PDE4DIP: variants seen among roughly 807,000 people sequenced by gnomAD.
The protein encoded by PDE4DIP is phosphodiesterase 4D interacting protein.
A neutral mutation model predicts 221.4 loss-of-function variants in PDE4DIP; 59 were observed. That is an observed-to-expected ratio of 0.27 (90% CI 0.22 to 0.33). The LOEUF is 0.33. PDE4DIP is among the 10% of genes least tolerant of loss of function. The probability of loss-of-function intolerance (pLI) is 1.00; values close to 1 mark genes in which losing one functional copy is unlikely to be tolerated. For missense variants in PDE4DIP, 1,036 were observed against 2,154.2 expected (o/e 0.48, Z 10.28); for synonymous variants, 404 against 815.9 (o/e 0.50, Z 8.60).
chr1:148,969,084 C>A lies in PDE4DIP; in HGVS notation c.1980+54C>A. 9 of 1,387,576 alleles carry A rather than the reference C, an allele frequency of 6.5e-6. No homozygotes were observed. The South Asian group carries it at 9.7e-5, about 15-fold the overall frequency. The allele number at this position is 1,387,576 out of a possible 1,614,324, so 86.0% of individuals were successfully genotyped here. A position where few individuals can be genotyped will look rare whatever the true frequency, so the allele number is the denominator to read the frequency against. ...TGTCATGTAGTGCATTTATAGTCTG[C>A]AAATAGGAAGCATTTGCAGACTATA... On this transcript the variant is annotated intron_variant, in intron 14 of 43. Coordinates refer to ENST00000369354, the Ensembl canonical transcript of PDE4DIP.
At position 148,962,633 on chromosome 1, in the gene PDE4DIP, ATAACCAGGTAAATCAT is replaced by A. The variant is rs782030633; in HGVS notation, c.1192_1194+13del. The A allele has an allele frequency of 1.7e-6, 1 of 575,920 alleles. No homozygotes were observed. The highest frequency in any genetic ancestry group is 2.0e-5 in the South Asian group (1 of 49,170). 35.7% of individuals were successfully genotyped at this position (575,920 alleles called of 1,614,324 possible). A position where few individuals can be genotyped will look rare whatever the true frequency, so the allele number is the denominator to read the frequency against. On this transcript the variant is annotated splice_donor_variant and splice_donor_5th_base_variant and coding_sequence_variant and intron_variant, in exon 9 of 44. Coordinates refer to ENST00000369354, the Ensembl canonical transcript of PDE4DIP. LOFTEE classifies it high-confidence loss of function. ...CAGCAGAAAGAGGCTTCTTGGAAACATAACCAGGTAAATCATTAACTATTTTATTGCCCTAAATGCT... is the reference window on the plus strand; with the variant it reads ...CAGCAGAAAGAGGCTTCTTGGAAACATAACTATTTTATTGCCCTAAATGCT...
At chr1:149,008,542 AG>A (rs781996122) in intron 29 of PDE4DIP, 47 bp downstream of exon 32, 1 of 224,966 alleles carries the variant, frequency 4.4e-6, no homozygotes. Context: ...CGAGGCCCAA[AG>A]GGTCAAGGGT....
In PDE4DIP at chr1:148,972,364, A is replaced by G. The variant is rs59193438; in HGVS notation, c.2145+20A>G. On this transcript the variant is annotated intron_variant, in intron 15 of 43. Transcript: ENST00000369354. The stretch of plus-strand genomic sequence containing the variant: ...GATCAAGTAAGAACTATAGACTTAC[A>G]TAATTCATGCTGATTCCATTTCCTT... 1 of 685,350 alleles carries G rather than the reference A, an allele frequency of 1.5e-6. No homozygotes were observed. The highest frequency in any genetic ancestry group is 2.4e-5 in the Admixed American group (1 of 41,020). 42.5% of individuals were successfully genotyped at this position (685,350 alleles called of 1,614,324 possible).
At chr1:149,029,322 C>G (rs1326181985) in intron 41 of PDE4DIP, among the ~76,000 whole-genome samples, 4 of 152,170 alleles carry the variant, frequency 2.6e-5, no homozygotes, top group African/African-American at 9.7e-5. Flanking sequence ...CTTTTGGATC[C>G]AACTATGCTA....
In PDE4DIP at chr1:148,962,459, A is replaced by T. The variant is rs370548673; in HGVS notation, c.1013A>T (p.Gln338Leu). 6.7e-5 allele frequency: 44 copies of T among 661,144 alleles called. No individual in the cohort carries two copies. In the African/African-American group the frequency reaches 8.2e-4, roughly 12 times the overall value. The allele number at this position is 661,144 out of a possible 1,614,324, so 41.0% of individuals were successfully genotyped here. A position where few individuals can be genotyped will look rare whatever the true frequency, so the allele number is the denominator to read the frequency against. The change falls in exon 9 of 44, where the codon CAG (glutamine) becomes CTG (leucine). Residue 338 changes from glutamine to leucine, a missense_variant. By Grantham distance (113) the Gln-to-Leu change is moderately radical (BLOSUM62 -2). Coordinates refer to ENST00000369354, the Ensembl canonical transcript of PDE4DIP. ...GAGGGTACTTCTCCAGCTCAGCAAC[A>T]GGTAGCTCTGCTTGATCTTCAGAGT... is the stretch of plus-strand genomic sequence containing the variant.
exon 43 of PDE4DIP, chr1:149,030,246 G>A (rs2076357552): frequency 1.3e-6 from 2 of 1,512,180 alleles, no homozygotes; most frequent in South Asian, 1.2e-5. Flanking sequence ...CAGAACACAT[G>A]ATGTTTTAAA....
intron 31 of PDE4DIP, 123 bp from the exon 35 acceptor site, chr1:149,012,468 T>C: frequency 1.7e-6 from 1 of 590,284 alleles, no homozygotes; most frequent in East Asian, 2.8e-5. Flanking sequence ...CACTAGATGA[T>C]AGCCACTCCG....
At chr1:148,987,595 C>T (rs1424854252) in intron 21 of PDE4DIP, among the ~76,000 whole-genome samples, 1 of 152,178 alleles carries the variant, frequency 6.6e-6, no homozygotes, top group Non-Finnish European at 1.5e-5. Context: ...TTTAGTTCTT[C>T]AGATCACCTT....
chr1:148,828,987 G>C (rs2149933335), intron 1 of PDE4DIP, among the ~76,000 whole-genome samples: 1 of 149,302 alleles, frequency 6.7e-6, no homozygotes, highest in African/African-American at 2.4e-5. Flanking sequence ...TACATTTTAA[G>C]GCATTGTCCC....
chr1:149,011,053 T>A (rs2068457259), intron 31 of PDE4DIP, among the ~76,000 whole-genome samples: 1 of 151,578 alleles, frequency 6.6e-6, no homozygotes, highest in African/African-American at 2.4e-5. Flanking sequence ...AAGGTTCTGT[T>A]CATAGTACGT....
intron 1 of PDE4DIP, among the ~76,000 whole-genome samples, chr1:148,818,102 C>G (rs587688277): frequency 1.3e-4 from 20 of 149,578 alleles, no homozygotes; most frequent in Non-Finnish European, 2.8e-4. Flanking sequence ...GCGTGAGGCA[C>G]TGTGCCCCGC....
intron 41 of PDE4DIP, among the ~76,000 whole-genome samples, chr1:149,029,312 C>CT (rs2076042955): frequency 6.6e-6 from 1 of 152,182 alleles, no homozygotes; most frequent in African/African-American, 2.4e-5. Context: ...GCACCAATAC[C>CT]TTTTGGATCC....
intron 1 of PDE4DIP, among the ~76,000 whole-genome samples, chr1:148,896,205 T>G (rs1328385453): frequency 7.4e-6 from 1 of 134,262 alleles, no homozygotes; most frequent in Non-Finnish European, 1.6e-5. Flanking sequence ...ATTAGAGTCA[T>G]CAATTCCTGT....
intron 27 of PDE4DIP, among the ~76,000 whole-genome samples, chr1:149,006,985 A>G (rs2067227564): frequency 7.2e-6 from 1 of 138,382 alleles, no homozygotes; most frequent in South Asian, 2.5e-4. Context: ...TACAGGCGTG[A>G]GCTACCACGC....
At chr1:148,940,540 A>G (rs1410906746) in intron 5 of PDE4DIP, among the ~76,000 whole-genome samples, 1 of 151,148 alleles carries the variant, frequency 6.6e-6, no homozygotes, top group Non-Finnish European at 1.5e-5. Flanking sequence ...ATAAGTGCCC[A>G]TGGCTGCTCA....
rs1418621742 is a variant in PDE4DIP at position 148,813,821 on chromosome 1, G to C, written c.233+5084G>C. Among the ~76,000 whole-genome samples, 5 of 87,560 alleles carry C rather than the reference G, an allele frequency of 5.7e-5. No individual in the cohort carries two copies. In the Middle Eastern group the frequency reaches 0.019, roughly 341 times the overall value. 57.4% of individuals were successfully genotyped at this position (87,560 alleles called of 152,430 possible). A position where few individuals can be genotyped will look rare whatever the true frequency, so the allele number is the denominator to read the frequency against. On this transcript the variant is annotated intron_variant, in intron 1 of 45. Transcript: ENST00000524974. ...GTAGATGTACAGTTGTTCTAACACT[G>C]TTTGTTAAGAGCACTATCCTTTTTC... is the stretch of plus-strand genomic sequence containing the variant.
intron 21 of PDE4DIP, among the ~76,000 whole-genome samples, chr1:148,988,251 T>A (rs1312016463): frequency 6.6e-6 from 1 of 151,292 alleles, no homozygotes; most frequent in African/African-American, 2.4e-5. Flanking sequence ...CTTCAACTTA[T>A]AAGCCCATGG....
intron 2 of PDE4DIP, chr1:148,929,615 C>T (rs1434943320): frequency 2.5e-5 from 6 of 240,976 alleles, no homozygotes; most frequent in South Asian, 5.8e-5. Flanking sequence ...CCTATAATAA[C>T]ATCAAGAGCT....
chr1:148,950,542 C>G (rs1553486646), intron 5 of PDE4DIP, among the ~76,000 whole-genome samples: 1 of 151,276 alleles, frequency 6.6e-6, no homozygotes, highest in Non-Finnish European at 1.5e-5. Flanking sequence ...GCTCACAGTT[C>G]TGCAGGCTTT....
Sources: gnomAD v4.1 joint callset for allele counts (sites outside exome capture counted in the v4.1 genomes callset) on GRCh38, gnomAD v4.1.1 for gene constraint, MANE v1.5 for transcripts, NCBI Gene and HGNC (gene_info 2026-07-23, HGNC 2026-07-21) for gene names.